BTBD7: variants seen among roughly 807,000 people sequenced by gnomAD.
BTBD7 encodes the protein BTB domain containing 7, also known as BTB/POZ domain-containing protein 7.
BTBD7 carries 38 observed loss-of-function variants against 99.9 expected under a neutral mutation model. The observed-to-expected ratio is 0.38, with a 90% CI of 0.29 to 0.50. BTBD7 has a LOEUF of 0.50. BTBD7 is among the 20% of genes least tolerant of loss of function. The pLI is 0.93. For missense variants in BTBD7, 1,170 were observed against 1,394.6 expected (o/e 0.84, Z 2.57); for synonymous variants, 520 against 511.4 (o/e 1.02, Z -0.23).
At chr14:93,270,006 T>C (rs948200596) in intron 3 of BTBD7, among the ~76,000 whole-genome samples, 1 of 152,236 alleles carries the variant, frequency 6.6e-6, no homozygotes, top group Non-Finnish European at 1.5e-5. Context: ...TAAATGTTCA[T>C]TGTGTTATAC....
At chr14:93,310,104 T>C (rs941023295) in intron 1 of BTBD7, among the ~76,000 whole-genome samples, 32 of 152,196 alleles carry the variant, frequency 2.1e-4, no homozygotes. Flanking sequence ...GTGCTGCAAT[T>C]ACAGGTTTAA....
rs2052214839 is a variant in BTBD7, at chr14:93,240,635, G to A, written c.*1638C>T. On this transcript the variant is annotated 3_prime_UTR_variant, in exon 11 of 11. Transcript: ENST00000334746. ...AGCCTCTTTTCTTCTAAGTGCTACGGCTGTGTGTTTATGTGTTTGTAAAAA... is the reference window on the plus strand; with the variant it reads ...AGCCTCTTTTCTTCTAAGTGCTACGACTGTGTGTTTATGTGTTTGTAAAAA... 6.6e-6 allele frequency: 1 copy of A among 152,608 alleles called. No homozygotes were observed. Among genetic ancestry groups the A allele is most frequent in the Non-Finnish European group, 1.5e-5 (1 of 68,038 alleles). 9.5% of individuals were successfully genotyped at this position (152,608 alleles called of 1,614,324 possible). A position where few individuals can be genotyped will look rare whatever the true frequency, so the allele number is the denominator to read the frequency against.
intron 3 of BTBD7, among the ~76,000 whole-genome samples, chr14:93,287,348 T>G (rs1211795545): frequency 2.7e-5 from 1 of 36,756 alleles, no homozygotes; most frequent in Non-Finnish European, 5.0e-5. Flanking sequence ...CTACATCCCT[T>G]CCACTTTCAG....
chr14:93,321,592 C>A (rs1338646948), intron 1 of BTBD7, among the ~76,000 whole-genome samples: 2 of 152,134 alleles, frequency 1.3e-5, no homozygotes, highest in Non-Finnish European at 2.9e-5. Flanking sequence ...GACTCCGTCA[C>A]AAACAAACAA....
intron 8 of BTBD7, among the ~76,000 whole-genome samples, chr14:93,248,997 G>T (rs74072804): frequency 0.013 from 2,041 of 151,960 alleles, 50 homozygotes; most frequent in African/African-American, 0.047. Context: ...ATAATTTTTT[G>T]AGTCCTGACT....
rs1179599926 is a variant in BTBD7, at chr14:93,243,068, A to G, written c.2604T>C (p.Asn868=). The G allele has an allele frequency of 1.2e-6, 2 of 1,613,828 alleles. No homozygotes were observed. The highest frequency in any genetic ancestry group is 2.2e-5 in the East Asian group (1 of 44,884). ...EKQVRTQPVL[N]DLMPDIAVGV... is the part of the protein sequence containing the mutation. ...CCACCGCGATGTCTGGCATCAGATC[A>G]TTCAGCACAGGTTGTGTTCGCTGCA... The change falls in exon 11 of 11, where the codon AAT becomes AAC. Residue 868 remains asparagine, a synonymous_variant. Coordinates refer to ENST00000334746, the MANE Select transcript of BTBD7 (RefSeq NM_001002860.4).
chr14:93,252,000 A>G (rs1198956123), intron 7 of BTBD7, among the ~76,000 whole-genome samples: 1 of 152,192 alleles, frequency 6.6e-6, no homozygotes, highest in Non-Finnish European at 1.5e-5. Flanking sequence ...AGTGCTCAAA[A>G]TACAAAATAT....
chr14:93,292,300 T>G (rs187404935), intron 3 of BTBD7, among the ~76,000 whole-genome samples: 54 of 150,568 alleles, frequency 3.6e-4, no homozygotes, highest in African/African-American at 1.1e-3. Flanking sequence ...AAAATATAGT[T>G]TTTTTTTTGG....
At chr14:93,291,915 G>A (rs2052861207) in intron 3 of BTBD7, among the ~76,000 whole-genome samples, 4 of 152,120 alleles carry the variant, frequency 2.6e-5, no homozygotes, top group South Asian at 2.1e-4. Context: ...TGCAAGGTGC[G>A]GTGGCTCATG....
At chr14:93,327,763 G>C (rs1322150978) in intron 1 of BTBD7, among the ~76,000 whole-genome samples, 1 of 150,984 alleles carries the variant, frequency 6.6e-6, no homozygotes, top group Non-Finnish European at 1.5e-5. Flanking sequence ...ACACAGTACC[G>C]GAAGTCCTAG....
chr14:93,244,841 C>G (rs2052284878), intron 10 of BTBD7, among the ~76,000 whole-genome samples: 1 of 143,034 alleles, frequency 7.0e-6, no homozygotes, highest in African/African-American at 2.6e-5. Flanking sequence ...TGAAGACTTA[C>G]AAATCTTACA....
At chr14:93,323,815 G>A (rs906136676) in intron 1 of BTBD7, among the ~76,000 whole-genome samples, 1 of 152,096 alleles carries the variant, frequency 6.6e-6, no homozygotes, top group African/African-American at 2.4e-5. Context: ...TTAAAAAATG[G>A]CTTACAATTA....
In BTBD7 at chr14:93,242,889, G is replaced by A; in HGVS notation, c.2783C>T (p.Thr928Ile). 6.2e-7 allele frequency: 1 copy of A among 1,614,118 alleles called. No homozygotes were observed. Among genetic ancestry groups the A allele is most frequent in the Non-Finnish European group, 8.5e-7 (1 of 1,180,014 alleles). ...TCTGGTGTCTGTTTTTTGCTCTAGTGTGTGTTTTTTCCGAGAAGTGTGTGT... is the reference window on the plus strand; with the variant it reads ...TCTGGTGTCTGTTTTTTGCTCTAGTATGTGTTTTTTCCGAGAAGTGTGTGT... ...RHTHTSRKKH[T>I]LEQKTDTREN... The change falls in exon 11 of 11, where the codon ACA (threonine) becomes ATA (isoleucine). Residue 928 changes from threonine (T) to isoleucine (I), a missense_variant. Around this residue, in one of 4 missense-constraint regions of BTBD7, gnomAD observed 495 missense variants for 525.9 expected, o/e 0.94. Transcript: ENST00000334746.
chr14:93,299,780 A>G (rs1343288005), intron 1 of BTBD7, among the ~76,000 whole-genome samples: 1 of 152,162 alleles, frequency 6.6e-6, no homozygotes, highest in African/African-American at 2.4e-5. Context: ...CCCAGCCCCA[A>G]AAAGAAAGCC....
At chr14:93,283,334 TC>T (rs1595308954) in intron 3 of BTBD7, among the ~76,000 whole-genome samples, 1 of 152,180 alleles carries the variant, frequency 6.6e-6, no homozygotes, top group African/African-American at 2.4e-5. Flanking sequence ...CGCCATGGCC[TC>T]CCAAAGTGTT....
intron 1 of BTBD7, among the ~76,000 whole-genome samples, chr14:93,300,707 TGTGTGTGTGTGTGTGTG>T (rs1566856906): frequency 4.8e-4 from 1 of 2,102 alleles, no homozygotes; most frequent in Non-Finnish European, 9.1e-4. Context: ...AGCTAATTTG[TGTGTGTGTGTGTGTGTG>T]TGTGTGTGTG....
chr14:93,306,722 A>C (rs1722642374), intron 1 of BTBD7, among the ~76,000 whole-genome samples: 1 of 152,226 alleles, frequency 6.6e-6, no homozygotes, highest in African/African-American at 2.4e-5. Flanking sequence ...GCATAACTTC[A>C]CATTACTGCA....
At chr14:93,332,778 A>G in intron 1 of BTBD7, 42 bp downstream of exon 1, 1 of 1,458,856 alleles carries the variant, frequency 6.9e-7, no homozygotes, top group Non-Finnish European at 9.0e-7. Context: ...CACCGGACAC[A>G]GCCTCGGCTC....
At chr14:93,288,353 T>C in intron 3 of BTBD7, 1 of 610,314 alleles carries the variant, frequency 1.6e-6, no homozygotes, top group Non-Finnish European at 2.9e-6. Context: ...TATTATTTAC[T>C]TTCTAGATTT....
Sources: gnomAD v4.1 joint callset for allele counts (sites outside exome capture counted in the v4.1 genomes callset) on GRCh38, gnomAD v4.1.1 for gene constraint, gnomAD v4.1.1 regional missense constraint, MANE v1.5 for transcripts, NCBI Gene and HGNC (gene_info 2026-07-23, HGNC 2026-07-21) for gene names.